Variants in IGSF21 observed in about 807,000 individuals in gnomAD.
IGSF21 encodes immunoglobulin superfamily member 21.
Under a neutral mutation model 46.8 loss-of-function variants are expected in IGSF21, and 28 were observed. The ratio of observed to expected loss-of-function variants is 0.60; its 90% CI spans 0.44 to 0.82. The LOEUF (loss-of-function observed/expected upper bound fraction) is 0.82, where lower values mean the gene tolerates loss of function less well. Ranked by LOEUF, IGSF21 falls within the 40% of genes least tolerant of loss-of-function variation. The pLI, the probability that IGSF21 is intolerant of heterozygous loss-of-function variation, is 0.00. For missense variants in IGSF21, 624 were observed against 665.5 expected, an observed-to-expected ratio of 0.94 and a Z score of 0.69; for synonymous variants, 284 against 273.6, an observed-to-expected ratio of 1.04 and a Z score of -0.38.
At chr1:18,180,993 T>C (rs1207981903) in intron 1 of IGSF21, among the ~76,000 whole-genome samples, 1 of 152,132 alleles carries the variant, frequency 6.6e-6, no homozygotes, top group Non-Finnish European at 1.5e-5. Context: ...TGGGCCTCAG[T>C]CTCCCCCTCT....
At chr1:18,225,085 T>TCTCTCTCTCTCTCTCTCTCACA in intron 1 of IGSF21, among the ~76,000 whole-genome samples, 40 of 51,612 alleles carry the variant, frequency 7.8e-4, no homozygotes, top group East Asian at 2.7e-3. Flanking sequence ...TCTCTCTCTC[T>TCTCTCTCTCTCTCTCTCTCACA]CACACACACA....
intron 2 of IGSF21, among the ~76,000 whole-genome samples, chr1:18,244,037 C>T (rs961279243): frequency 1.3e-5 from 2 of 152,182 alleles, no homozygotes; most frequent in Middle Eastern, 3.2e-3. Flanking sequence ...GTCCAGATGG[C>T]GCTTGTTATC....
At chr1:18,195,803 A>T (rs2087001004) in intron 1 of IGSF21, among the ~76,000 whole-genome samples, 1 of 152,224 alleles carries the variant, frequency 6.6e-6, no homozygotes, top group African/African-American at 2.4e-5. Context: ...GAAATGAAAG[A>T]CAGTCTGGTG....
intron 3 of IGSF21, among the ~76,000 whole-genome samples, chr1:18,332,552 T>A (rs2085724521): frequency 6.6e-6 from 1 of 151,934 alleles, no homozygotes; most frequent in South Asian, 2.1e-4. Context: ...CACTCAGTAA[T>A]GGCGCCTGGT....
At chr1:18,360,619 C>A (rs747021519) in intron 4 of IGSF21, among the ~76,000 whole-genome samples, 2 of 152,194 alleles carry the variant, frequency 1.3e-5, no homozygotes, top group Non-Finnish European at 2.9e-5. Context: ...ATTTTCTCTG[C>A]TTCCCTCCCT....
At chr1:18,137,572 G>C (rs139758510) in intron 1 of IGSF21, among the ~76,000 whole-genome samples, 1 of 152,152 alleles carries the variant, frequency 6.6e-6, no homozygotes, top group African/African-American at 2.4e-5. Flanking sequence ...ATAGCTGGGC[G>C]TGGGAAACTC....
chr1:18,322,402 T>C lies in IGSF21; in HGVS notation c.306-12490T>C, dbSNP rs894486737. On this transcript the variant is annotated intron_variant, in intron 3 of 9. Transcript: ENST00000251296. This position sits in a 1 kb window ranked among gnomAD's most constrained non-coding sequence, Gnocchi z 4.3. ...GAGGCAGGCTTGGTTCCAACAGGCT[T>C]GGGGCCTTCCTGATGCCAGCTCTCA... Among the ~76,000 whole-genome samples the C allele has an allele frequency of 6.6e-6, 1 of 151,928 alleles. No individual in the cohort carries two copies. Among genetic ancestry groups the C allele is most frequent in the Non-Finnish European group, 1.5e-5 (1 of 67,992 alleles).
intron 2 of IGSF21, among the ~76,000 whole-genome samples, chr1:18,288,500 G>T (rs1053524780): frequency 6.6e-6 from 1 of 152,192 alleles, no homozygotes; most frequent in Admixed American, 6.5e-5. Context: ...CGGCCGTGAG[G>T]CTGCAACTGC....
chr1:18,347,219 AC>A (rs2085903302), intron 4 of IGSF21, among the ~76,000 whole-genome samples: 2 of 146,150 alleles, frequency 1.4e-5, no homozygotes, highest in Non-Finnish European at 3.0e-5. Flanking sequence ...ACCATAGCCC[AC>A]CCTCACCCAG....
intron 2 of IGSF21, among the ~76,000 whole-genome samples, chr1:18,237,533 G>A (rs908704704): frequency 6.6e-6 from 1 of 152,170 alleles, no homozygotes; most frequent in Non-Finnish European, 1.5e-5. Flanking sequence ...GGGGAAATAG[G>A]CTTCACATAT....
chr1:18,340,227 CCAAA>C (rs1382595569), intron 4 of IGSF21, among the ~76,000 whole-genome samples: 1 of 150,792 alleles, frequency 6.6e-6, no homozygotes, highest in East Asian at 1.9e-4. Flanking sequence ...AAAAAAAAAA[CCAAA>C]CAAACAAAAA....
rs540772964 is a variant in IGSF21 at position 18,378,438 on chromosome 1, G to T, written c.*112G>T. 6 of 899,586 alleles carry T rather than the reference G, an allele frequency of 6.7e-6. No individual in the cohort carries two copies. Among genetic ancestry groups the T allele is most frequent in the Non-Finnish European group, 6.8e-6 (4 of 586,878 alleles). The allele number at this position is 899,586 out of a possible 1,614,324, so 55.7% of individuals were successfully genotyped here. ...TTAGTCTCTTTCCATCTGTGTCTTGGCTTCTTCAGTCGGTTTAATTAAAAC... is the reference window on the plus strand; with the variant it reads ...TTAGTCTCTTTCCATCTGTGTCTTGTCTTCTTCAGTCGGTTTAATTAAAAC... On this transcript the variant is annotated 3_prime_UTR_variant, in exon 10 of 10. Transcript: ENST00000251296.
intron 2 of IGSF21, among the ~76,000 whole-genome samples, chr1:18,283,311 A>G (rs2085180693): frequency 6.6e-6 from 1 of 152,210 alleles, no homozygotes. Context: ...GGGGCCCACA[A>G]GGGAGAGCAG....
chr1:18,339,981 G>A (rs914042897), intron 4 of IGSF21, among the ~76,000 whole-genome samples: 19 of 152,272 alleles, frequency 1.2e-4, no homozygotes, highest in Admixed American at 3.3e-4. Flanking sequence ...ATCCCAATTA[G>A]TGTCTACTTT....
At chr1:18,146,638 G>T (rs1264392493) in intron 1 of IGSF21, among the ~76,000 whole-genome samples, 4 of 152,160 alleles carry the variant, frequency 2.6e-5, no homozygotes, top group Non-Finnish European at 5.9e-5. Flanking sequence ...TGAGCGTTCA[G>T]CCTTGTTTGA....
chr1:18,139,823 G>T (rs781577494), intron 1 of IGSF21, among the ~76,000 whole-genome samples: 13 of 152,200 alleles, frequency 8.5e-5, no homozygotes, highest in Non-Finnish European at 1.6e-4. Flanking sequence ...GCCTGAGGCA[G>T]CATCCCTGGC....
rs576670736 is a variant in IGSF21 at position 18,176,886 on chromosome 1, G to A, written c.71-51012G>A. On this transcript the variant is annotated intron_variant, in intron 1 of 9. Coordinates refer to ENST00000251296, the MANE Select transcript of IGSF21 (RefSeq NM_032880.5). The stretch of plus-strand genomic sequence containing the variant: ...CAACAGGCCAGCTGTGACTTTAGCA[G>A]TGCTATTAGTAGCCTTGCCCACTGC... Among the ~76,000 whole-genome samples, 29 of 152,352 alleles carry A rather than the reference G, an allele frequency of 1.9e-4. 2 individuals are homozygous for A. In the South Asian group the frequency reaches 6.0e-3, roughly 32 times the overall value.
intron 4 of IGSF21, among the ~76,000 whole-genome samples, chr1:18,359,382 G>GC (rs1557659621): frequency 1.0e-5 from 1 of 95,896 alleles, no homozygotes; most frequent in African/African-American, 4.4e-5. Context: ...AAGAAAGAAA[G>GC]AAAGGAAGGA....
At chr1:18,361,147 C>T (rs558478350) in intron 4 of IGSF21, among the ~76,000 whole-genome samples, 6 of 152,228 alleles carry the variant, frequency 3.9e-5, no homozygotes, top group Non-Finnish European at 5.9e-5. Flanking sequence ...TCCAAGTGTA[C>T]GGTACCATCC....
Sources: allele counts gnomAD v4.1 joint callset (sites outside exome capture counted in the v4.1 genomes callset), GRCh38; gene constraint gnomAD v4.1.1; non-coding constraint Gnocchi (gnomAD v3.1); transcripts MANE v1.5; gene names NCBI Gene and HGNC (gene_info 2026-07-23, HGNC 2026-07-21).